The following ZFP90 variants were observed in gnomAD, a reference collection of about 807,000 sequenced individuals.
The protein encoded by ZFP90 is zinc finger protein 90 homolog.
In ZFP90, 38 loss-of-function variants were observed where a neutral mutation model predicts 60.8. That is an observed-to-expected ratio of 0.62 (90% confidence interval 0.48 to 0.82). ZFP90 has a LOEUF of 0.82. Among genes scored for constraint, ZFP90 ranks in the 40% least tolerant of loss-of-function variants. The pLI is 0.00. For missense variants in ZFP90, 711 were observed against 759.1 expected (o/e 0.94, Z 0.74); for synonymous variants, 287 against 264.8 (o/e 1.08, Z -0.82).
chr16:68,565,333 C>G lies in ZFP90; in HGVS notation c.*635C>G, dbSNP rs967531707. The G allele has an allele frequency of 1.0e-6, 1 of 985,534 alleles. No individual in the cohort carries two copies. Among genetic ancestry groups the G allele is most frequent in the Non-Finnish European group, 1.2e-6 (1 of 829,944 alleles). 61.0% of individuals were successfully genotyped at this position (985,534 alleles called of 1,614,324 possible). ...CCAGTGAAAAGGTTATTTTTGGACT[C>G]AGAGGGCTTTAAAATAAATTTTAAG... On this transcript the variant is annotated 3_prime_UTR_variant, in exon 5 of 5. Coordinates refer to ENST00000563169, the MANE Select transcript of ZFP90 (RefSeq NM_001305203.2).
Position 68,563,617 on chromosome 16 carries a change from C to A in ZFP90, c.830C>A (p.Thr277Asn). The change falls in exon 5 of 5, where the codon ACT becomes AAT. Residue 277 changes from threonine to asparagine, a missense_variant. Thr to Asn is a moderately conservative substitution (Grantham distance 65, BLOSUM62 0). Transcript: ENST00000563169. ...TQLTEHQRIH[T>N]GEKPFECNVC... ...CTTACTGAGCATCAGAGAATTCACA[C>A]TGGGGAGAAACCCTTTGAATGCAAT... 1.9e-6 allele frequency: 3 copies of A among 1,614,180 alleles called. No homozygotes were observed. The highest frequency in any genetic ancestry group is 2.5e-6 in the Non-Finnish European group (3 of 1,180,030).
Position 68,558,061 on chromosome 16 carries a change from C to T in ZFP90, c.97C>T (p.Pro33Ser). 6.2e-7 allele frequency: 1 copy of T among 1,613,846 alleles called. No homozygotes were observed. Among genetic ancestry groups the T allele is most frequent in the South Asian group, 1.1e-5 (1 of 91,054 alleles). ...CCAGGAAGAATGGTACCATGTCGAC[C>T]CTGCTCAGAGGAGCTTATACAGGGA... ...FTQEEWYHVD[P>S]AQRSLYRDVM... The change falls in exon 3 of 5, where the codon CCT (proline) becomes TCT (serine). Residue 33 changes from proline to serine, a missense_variant. Transcript: ENST00000563169.
At chr16:68,539,593 T>A (rs763950907) in intron 1 of ZFP90, 114 bp downstream of exon 1, 6 of 587,948 alleles carry the variant, frequency 1.0e-5, no homozygotes, top group Non-Finnish European at 1.7e-5. Context: ...GGGAGGCCGC[T>A]GAGCCTTTCA....
In ZFP90 at chr16:68,575,535, CA is replaced by C. The variant is rs34872149; in HGVS notation, c.224-236del. Among the ~76,000 whole-genome samples, 317 of 82,360 alleles carry C rather than the reference CA, an allele frequency of 3.8e-3. 2 individuals are homozygous for C. Among genetic ancestry groups the C allele is most frequent in the East Asian group, 0.014 (26 of 1,864 alleles). 54.0% of individuals were successfully genotyped at this position (82,360 alleles called of 152,430 possible). A position where few individuals can be genotyped will look rare whatever the true frequency, so the allele number is the denominator to read the frequency against. On this transcript the variant is annotated intron_variant, in intron 2 of 2. Transcript: ENST00000573113. ...GTGTGCTGATTGGTTTGTGAGTATGCAAAAAAAAAAAAAAAAAAAAGGCTAA... is the reference window on the plus strand; with the variant it reads ...GTGTGCTGATTGGTTTGTGAGTATGCAAAAAAAAAAAAAAAAAAAGGCTAA...
downstream of ZFP90, among the ~76,000 whole-genome samples, chr16:68,570,526 G>T (rs1221926420): frequency 6.6e-6 from 1 of 152,212 alleles, no homozygotes; most frequent in East Asian, 1.9e-4. Context: ...GTAATTTTTG[G>T]ATTATTGTCA....
downstream of ZFP90, chr16:68,567,197 G>A: frequency 1.0e-6 from 1 of 981,240 alleles, no homozygotes; most frequent in Non-Finnish European, 1.2e-6. Flanking sequence ...TGCACCAAGA[G>A]GGAGGAATTA....
chr16:68,570,171 T>C (rs1266332134), downstream of ZFP90, among the ~76,000 whole-genome samples: 1 of 152,162 alleles, frequency 6.6e-6, no homozygotes, highest in Non-Finnish European at 1.5e-5. Context: ...TTCCTCTTCT[T>C]CCATTCGCTC....
chr16:68,539,610 G>A (rs1270048501), intron 1 of ZFP90, 131 bp downstream of exon 1: 7 of 611,412 alleles, frequency 1.1e-5, no homozygotes, highest in Admixed American at 6.9e-5. Context: ...TTCATTTCGG[G>A]GATGGGGAGC....
intron 4 of ZFP90, among the ~76,000 whole-genome samples, chr16:68,561,545 A>G (rs188134036): frequency 6.6e-6 from 1 of 152,310 alleles, no homozygotes; most frequent in East Asian, 1.9e-4. Flanking sequence ...AGATTTAATA[A>G]TATGCCATCT....
At chr16:68,555,851 G>T (rs377418674) in intron 2 of ZFP90, among the ~76,000 whole-genome samples, 7 of 152,162 alleles carry the variant, frequency 4.6e-5, no homozygotes, top group African/African-American at 1.4e-4. Flanking sequence ...GAGTGAATCG[G>T]TTCAGCTATA....
At position 68,563,083 on chromosome 16, in the gene ZFP90, A is replaced by G; in HGVS notation, c.296A>G (p.Gln99Arg). The stretch of plus-strand genomic sequence containing the variant: ...CCTGAAGTCAAATCATCACATTTGC[A>G]GCAGGATGTATCAGAAGTATCCCAC... ...TRPEVKSSHL[Q>R]QDVSEVSHCT... The change falls in exon 5 of 5, where the codon CAG becomes CGG. Residue 99 changes from glutamine (Q) to arginine (R), a missense_variant. Gln to Arg is a conservative substitution (Grantham distance 43). Around this residue, in one of 5 missense-constraint regions of ZFP90, gnomAD observed 241 missense variants for 247.6 expected, o/e 0.97. Transcript: ENST00000563169. The G allele has an allele frequency of 6.2e-7, 1 of 1,614,194 alleles. No homozygotes were observed. The highest frequency in any genetic ancestry group is 1.1e-5 in the South Asian group (1 of 91,072).
chr16:68,543,090 A>G (rs1597716149), intron 2 of ZFP90, among the ~76,000 whole-genome samples: 1 of 152,142 alleles, frequency 6.6e-6, no homozygotes, highest in African/African-American at 2.4e-5. Flanking sequence ...GGTAAGCCTT[A>G]TCCTTATTGA....
At chr16:68,550,700 A>G (rs779922740) in intron 2 of ZFP90, among the ~76,000 whole-genome samples, 1 of 152,254 alleles carries the variant, frequency 6.6e-6, no homozygotes, top group South Asian at 2.1e-4. Flanking sequence ...ATTTAAAAAC[A>G]TAATGAATAG....
At position 68,563,632 on chromosome 16, in the gene ZFP90, T is replaced by A; in HGVS notation, c.845T>A (p.Phe282Tyr). 1 of 1,614,000 alleles carries A rather than the reference T, an allele frequency of 6.2e-7. No individual in the cohort carries two copies. The highest frequency in any genetic ancestry group is 8.5e-7 in the Non-Finnish European group (1 of 1,179,974). The change falls in exon 5 of 5, where the codon TTT (phenylalanine) becomes TAT (tyrosine). Residue 282 changes from phenylalanine to tyrosine, a missense_variant. Physicochemically the swap from Phe to Tyr is conservative, Grantham distance 22 (BLOSUM62 3). Around this residue, in one of 5 missense-constraint regions of ZFP90, gnomAD observed 146 missense variants for 201.4 expected, o/e 0.73. Coordinates refer to ENST00000563169, the MANE Select transcript of ZFP90 (RefSeq NM_001305203.2). ...HQRIHTGEKP[F>Y]ECNVCGKAFR... ...AGAATTCACACTGGGGAGAAACCCT[T>A]TGAATGCAATGTATGTGGAAAGGCC... is the stretch of plus-strand genomic sequence containing the variant.
chr16:68,573,416 TAC>T, intron 2 of ZFP90, among the ~76,000 whole-genome samples: 1 of 152,290 alleles, frequency 6.6e-6, no homozygotes, highest in East Asian at 1.9e-4. Flanking sequence ...AGGTCCAGGC[TAC>T]AGTGAGCCAT....
rs1555496914 is a variant in ZFP90 at position 68,534,229 on chromosome 16, C to CTTTTTT, written c.-36+377_-36+378insTTTTTT. ...CATTTTTAACTTAAAGATTTTCTTTCTTTCTTTTTTTTTTTTTGAGACAGC... is the reference window on the plus strand; with the variant it reads ...CATTTTTAACTTAAAGATTTTCTTTCTTTTTTTTTCTTTTTTTTTTTTTGAGACAGC... On this transcript the variant is annotated intron_variant, in intron 2 of 3. Transcript: ENST00000569109. 3.1e-4 allele frequency among the ~76,000 whole-genome samples: 42 copies of CTTTTTT among 135,174 alleles called. 11 individuals carry two copies. Among genetic ancestry groups the CTTTTTT allele is most frequent in the Non-Finnish European group, 2.7e-4 (17 of 64,070 alleles). 88.7% of individuals were successfully genotyped at this position (135,174 alleles called of 152,430 possible).
In ZFP90 at chr16:68,563,045, C is replaced by T. The variant is rs770181157; in HGVS notation, c.258C>T (p.Asp86=). The T allele has an allele frequency of 1.5e-5, 24 of 1,614,004 alleles. No homozygotes were observed. The highest frequency in any genetic ancestry group is 1.9e-5 in the Non-Finnish European group (23 of 1,180,020). Residue 86 remains aspartate (D), a splice_region_variant and synonymous_variant, in exon 5 of 5, where the codon GAC becomes GAT. Transcript: ENST00000563169. The part of the protein sequence containing the change: ...EGEIQRPFYP[D]WKTRPEVKSS... Reference sequence around the variant, plus strand: ...TTTTGTACTTTGGATTTCTTTCAGACTGGAAGACCAGGCCTGAAGTCAAAT... The same window carrying T: ...TTTTGTACTTTGGATTTCTTTCAGATTGGAAGACCAGGCCTGAAGTCAAAT...
intron 2 of ZFP90, among the ~76,000 whole-genome samples, chr16:68,545,291 A>G (rs1044387146): frequency 1.6e-4 from 24 of 152,070 alleles, no homozygotes; most frequent in Admixed American, 1.6e-3. Flanking sequence ...CCCTCCCTTC[A>G]ACCCCTTGCC....
chr16:68,546,724 C>A (rs140995329), intron 2 of ZFP90, among the ~76,000 whole-genome samples: 36 of 152,278 alleles, frequency 2.4e-4, no homozygotes, highest in African/African-American at 7.7e-4. Flanking sequence ...GTTGGCCAGG[C>A]TGGTCTCGAA....
Sources: allele counts gnomAD v4.1 joint callset (sites outside exome capture counted in the v4.1 genomes callset), GRCh38; gene constraint gnomAD v4.1.1; regional missense constraint gnomAD v4.1.1; transcripts MANE v1.5; gene names NCBI Gene and HGNC (gene_info 2026-07-23, HGNC 2026-07-21).